The following ARID1B variants were observed in gnomAD, a reference collection of about 807,000 sequenced individuals.
ARID1B encodes the protein AT-rich interactive domain-containing protein 1B.
ARID1B carries 30 observed loss-of-function variants against 212.3 expected under a neutral mutation model. The ratio of observed to expected loss-of-function variants is 0.14; its 90% confidence interval spans 0.11 to 0.19. The LOEUF (loss-of-function observed/expected upper bound fraction) is 0.19. ARID1B is among the 10% of genes least tolerant of loss of function. ARID1B has a pLI of 1.00. For synonymous variants in ARID1B, 1,402 were observed against 1,301.7 expected (o/e 1.08, Z -1.66); for missense variants, 2,891 against 3,204.0 (o/e 0.90, Z 2.36).
chr6:156,912,075 C>T (rs113333950), intron 3 of ARID1B, among the ~76,000 whole-genome samples: 2 of 152,076 alleles, frequency 1.3e-5, no homozygotes, highest in African/African-American at 4.8e-5. Context: ...TCTACATAAA[C>T]ATGTAATGCA....
intron 4 of ARID1B, among the ~76,000 whole-genome samples, chr6:157,015,470 G>T (rs1246008855): frequency 6.6e-6 from 1 of 152,168 alleles, no homozygotes; most frequent in Non-Finnish European, 1.5e-5. Context: ...ACAGATTTGG[G>T]ATTCACCACA....
intron 5 of ARID1B, among the ~76,000 whole-genome samples, chr6:157,086,440 T>C (rs1282257401): frequency 6.6e-6 from 1 of 152,218 alleles, no homozygotes; most frequent in African/African-American, 2.4e-5. Context: ...GTTTGTGAGA[T>C]GTCACCTACC....
chr6:156,958,913 C>CT (rs767424426), intron 4 of ARID1B, among the ~76,000 whole-genome samples: 3 of 152,190 alleles, frequency 2.0e-5, no homozygotes, highest in Non-Finnish European at 4.4e-5. Context: ...GAGCCCCTTT[C>CT]TTTTCTTTCG....
intron 11 of ARID1B, among the ~76,000 whole-genome samples, chr6:157,176,501 G>T (rs755746626): frequency 1.3e-5 from 2 of 152,170 alleles, no homozygotes; most frequent in African/African-American, 4.8e-5. Context: ...TTGTGTGTTG[G>T]CCCAGAGGGA....
In ARID1B at chr6:157,052,376, C is replaced by T. The variant is rs28450373; in HGVS notation, c.2248-32286C>T. On this transcript the variant is annotated intron_variant, in intron 4 of 19. Transcript: ENST00000636930. Reference sequence around the variant, plus strand: ...CAAGTCGGCCTGTTGGACTGGATGTCAACTGTAGACAGATGCCACTCTCTG... The same window carrying T: ...CAAGTCGGCCTGTTGGACTGGATGTTAACTGTAGACAGATGCCACTCTCTG... 4.9e-3 allele frequency among the ~76,000 whole-genome samples: 742 copies of T among 152,260 alleles called. 4 individuals carry two copies. The highest frequency in any genetic ancestry group is 0.017 in the African/African-American group (706 of 41,542).
Position 157,133,170 on chromosome 6 carries a change from G to A in ARID1B, c.2724G>A (p.Gly908=). 6.2e-7 allele frequency: 1 copy of A among 1,613,682 alleles called. No homozygotes were observed. The highest frequency in any genetic ancestry group is 2.2e-5 in the East Asian group (1 of 44,884). Residue 908 remains glycine, a synonymous_variant, in exon 7 of 20, where the codon GGG becomes GGA. Coordinates refer to ENST00000636930, the MANE Select transcript of ARID1B (RefSeq NM_001374828.1). ...ISSFQQSNSS[G]TYGPQMSQYG... ...GCTTTCAGCAGAGTAACTCAAGTGGGACTTACGGTCCACAGATGAGCCAGT... is the reference window on the plus strand; with the variant it reads ...GCTTTCAGCAGAGTAACTCAAGTGGAACTTACGGTCCACAGATGAGCCAGT...
intron 2 of ARID1B, among the ~76,000 whole-genome samples, chr6:156,873,983 A>ATCC (rs1215059768): frequency 1.3e-5 from 2 of 152,202 alleles, no homozygotes; most frequent in Non-Finnish European, 2.9e-5. Context: ...GAACCATAGT[A>ATCC]TCCTCAGGCC....
At chr6:157,080,912 A>G (rs931822296) in intron 4 of ARID1B, among the ~76,000 whole-genome samples, 1 of 152,228 alleles carries the variant, frequency 6.6e-6, no homozygotes, top group African/African-American at 2.4e-5. Context: ...GTAGAAGTTA[A>G]GTTATTTTTG....
chr6:157,139,863 C>G (rs1033565295), intron 7 of ARID1B, among the ~76,000 whole-genome samples: 1 of 151,634 alleles, frequency 6.6e-6, no homozygotes, highest in African/African-American at 2.4e-5. Flanking sequence ...GCTAGGATTA[C>G]AGGCGCCCAC....
intron 4 of ARID1B, among the ~76,000 whole-genome samples, chr6:157,054,116 C>T (rs1166407528): frequency 1.3e-5 from 2 of 151,802 alleles, no homozygotes; most frequent in Admixed American, 6.6e-5. Flanking sequence ...CCCAGCTATT[C>T]GGAAGGCTGA....
At chr6:156,909,182 G>T (rs892987570) in intron 3 of ARID1B, among the ~76,000 whole-genome samples, 6 of 136,630 alleles carry the variant, frequency 4.4e-5, no homozygotes, top group African/African-American at 1.7e-4. Context: ...CTGGAGTGCA[G>T]TGGTGCAATC....
intron 4 of ARID1B, among the ~76,000 whole-genome samples, chr6:157,045,739 A>G (rs971511187): frequency 1.3e-5 from 2 of 152,244 alleles, no homozygotes; most frequent in Non-Finnish European, 2.9e-5. Context: ...ATTTGTTTTT[A>G]CATTTTAATC....
At chr6:156,956,317 A>C (rs1793977733) in intron 4 of ARID1B, among the ~76,000 whole-genome samples, 1 of 152,154 alleles carries the variant, frequency 6.6e-6, no homozygotes, top group Non-Finnish European at 1.5e-5. Flanking sequence ...CCCTTCTCTC[A>C]GAAGCCAGGA....
Position 157,201,757 on chromosome 6 carries a change from G to A in ARID1B, c.5263+269G>A, listed in dbSNP as rs377714202. Among the ~76,000 whole-genome samples, 8 of 152,292 alleles carry A rather than the reference G, an allele frequency of 5.3e-5. No homozygotes were observed. The highest frequency in any genetic ancestry group is 9.6e-5 in the African/African-American group (4 of 41,556). ...CCAGGCGGGTGGATCACGAGGTCAC[G>A]AGATCGAGACCATCCTGGATAACAC... On this transcript the variant is annotated intron_variant, in intron 18 of 19. Coordinates refer to ENST00000636930, the MANE Select transcript of ARID1B (RefSeq NM_001374828.1). This position sits in a 1 kb window ranked among gnomAD's most constrained non-coding sequence, Gnocchi z 5.2.
chr6:157,189,735 C>A lies in ARID1B; in HGVS notation c.4013C>A (p.Pro1338Gln). ...CCAGGTGACCTGAAGCCACCTACCCCAGCCTCCACCCCTCACGGCCAGATG... is the reference window on the plus strand; with the variant it reads ...CCAGGTGACCTGAAGCCACCTACCCAAGCCTCCACCCCTCACGGCCAGATG... Reference protein sequence around the residue: ...EVPGDLKPPTPASTPHGQMTP... With the variant: ...EVPGDLKPPTQASTPHGQMTP... The change falls in exon 14 of 20, where the codon CCA (proline) becomes CAA (glutamine). Residue 1338 changes from proline (P) to glutamine (Q), a missense_variant. Pro to Gln is a moderately conservative substitution (Grantham distance 76). Transcript: ENST00000636930. 6.2e-7 allele frequency: 1 copy of A among 1,614,116 alleles called. No homozygotes were observed. Among genetic ancestry groups the A allele is most frequent in the Non-Finnish European group, 8.5e-7 (1 of 1,180,026 alleles).
At chr6:156,847,538 A>G (rs905022161) in intron 2 of ARID1B, among the ~76,000 whole-genome samples, 2 of 152,218 alleles carry the variant, frequency 1.3e-5, no homozygotes, top group African/African-American at 2.4e-5. Context: ...GTGAAGGGTA[A>G]GAGAGGAGAG....
chr6:156,882,251 T>C (rs1787160030), intron 2 of ARID1B, among the ~76,000 whole-genome samples: 1 of 152,126 alleles, frequency 6.6e-6, no homozygotes, highest in Admixed American at 6.5e-5. Context: ...CTGGGACCCA[T>C]TTCCGCCCAG....
intron 6 of ARID1B, among the ~76,000 whole-genome samples, chr6:157,121,793 G>A (rs1231746825): frequency 2.0e-5 from 3 of 152,028 alleles, no homozygotes; most frequent in East Asian, 1.9e-4. Context: ...CACCACGCCC[G>A]GCTAATTTTT....
At chr6:156,870,017 G>C (rs530902284) in intron 2 of ARID1B, 6 of 152,408 alleles carry the variant, frequency 3.9e-5, no homozygotes, top group African/African-American at 1.4e-4. Context: ...GGGGCAGGGT[G>C]GGGGCGGGGA....
Sources: allele counts gnomAD v4.1 joint callset (sites outside exome capture counted in the v4.1 genomes callset), GRCh38; gene constraint gnomAD v4.1.1; non-coding constraint Gnocchi (gnomAD v3.1); transcripts MANE v1.5; gene names NCBI Gene and HGNC (gene_info 2026-07-23, HGNC 2026-07-21).